ANKRD50: variants seen among roughly 807,000 people sequenced by gnomAD.
ANKRD50 encodes ankyrin repeat domain-containing protein 50.
Under a neutral mutation model 112.0 loss-of-function variants are expected in ANKRD50, and 40 were observed. That is an observed-to-expected ratio of 0.36 (90% CI 0.28 to 0.46). The LOEUF (loss-of-function observed/expected upper bound fraction) is 0.46. Among genes scored for constraint, ANKRD50 ranks in the 20% least tolerant of loss-of-function variants. The probability of loss-of-function intolerance (pLI) is 1.00; values close to 1 mark genes in which losing one functional copy is unlikely to be tolerated. For synonymous variants in ANKRD50, 613 were observed against 619.1 expected (o/e 0.99, Z 0.15); for missense variants, 1,487 against 1,701.7 (o/e 0.87, Z 2.22).
At chr4:124,691,699 CT>C (rs762088082) in intron 2 of ANKRD50, among the ~76,000 whole-genome samples, 47 of 152,216 alleles carry the variant, frequency 3.1e-4, no homozygotes, top group Non-Finnish European at 4.4e-4. Flanking sequence ...TTCTCTCCCC[CT>C]GGCCCTTTTT....
At chr4:124,681,974 T>A (rs1724899500) in intron 2 of ANKRD50, among the ~76,000 whole-genome samples, 1 of 152,162 alleles carries the variant, frequency 6.6e-6, no homozygotes, top group Non-Finnish European at 1.5e-5. Context: ...ATAACATGTT[T>A]TGTGTAACTT....
rs553272468 is a variant in ANKRD50 at position 124,677,928 on chromosome 4, A to G, written c.742+748T>C. ...TTAAGTGTTAGCTATTGTTATTTAA[A>G]TTACTAAACTTTTACCAACTATATT... is the stretch of plus-strand genomic sequence containing the variant. On this transcript the variant is annotated intron_variant, in intron 3 of 4. Coordinates refer to ENST00000504087, the MANE Select transcript of ANKRD50 (RefSeq NM_020337.3). Among the ~76,000 whole-genome samples, 249 of 152,222 alleles carry G rather than the reference A, an allele frequency of 1.6e-3. 1 individual carries two copies. In the South Asian group the frequency reaches 0.05, roughly 30 times the overall value.
chr4:124,701,500 C>T (rs532981863), intron 2 of ANKRD50, among the ~76,000 whole-genome samples: 9 of 152,218 alleles, frequency 5.9e-5, no homozygotes, highest in African/African-American at 2.2e-4. Flanking sequence ...TCTATTTTAT[C>T]ATTAAAGACT....
Position 124,681,586 on chromosome 4 carries a change from A to G in ANKRD50, c.513-2681T>C, listed in dbSNP as rs557522741. Among the ~76,000 whole-genome samples, 13 of 152,356 alleles carry G rather than the reference A, an allele frequency of 8.5e-5. No individual in the cohort carries two copies. The East Asian group carries it at 2.3e-3, about 27-fold the overall frequency. On this transcript the variant is annotated intron_variant, in intron 2 of 4. Coordinates refer to ENST00000504087, the MANE Select transcript of ANKRD50 (RefSeq NM_020337.3). ...ACTGACTAGCCATAACCAATATGAG[A>G]AAGTAAATTATAAATTAGTAGCAGT...
chr4:124,673,249 C>A (rs1277958476), intron 3 of ANKRD50, among the ~76,000 whole-genome samples: 1 of 151,978 alleles, frequency 6.6e-6, no homozygotes, highest in Non-Finnish European at 1.5e-5. Flanking sequence ...TTAAAGGAAG[C>A]CATAATTTCA....
intron 2 of ANKRD50, among the ~76,000 whole-genome samples, chr4:124,698,687 T>C (rs1437199830): frequency 2.0e-5 from 3 of 152,172 alleles, no homozygotes; most frequent in Admixed American, 6.5e-5. Context: ...TCTGAAGATA[T>C]GGTGGAGCTT....
rs1474155888 is a variant in ANKRD50 at position 124,666,534 on chromosome 4, A to G, written c.*984T>C. The stretch of plus-strand genomic sequence containing the variant: ...TTGGTCATGCAGCAATTTACAAAAT[A>G]GAAACCGCTGAGAGAGAAGCCAGCA... On this transcript the variant is annotated 3_prime_UTR_variant, in exon 5 of 5. Coordinates refer to ENST00000504087, the MANE Select transcript of ANKRD50 (RefSeq NM_020337.3). 1 of 152,396 alleles carries G rather than the reference A, an allele frequency of 6.6e-6. No homozygotes were observed. The highest frequency in any genetic ancestry group is 1.5e-5 in the Non-Finnish European group (1 of 67,956). 9.4% of individuals were successfully genotyped at this position (152,396 alleles called of 1,614,324 possible). A position where few individuals can be genotyped will look rare whatever the true frequency, so the allele number is the denominator to read the frequency against.
At chr4:124,686,640 GAAGACCTCAC>G (rs1725013578) in intron 2 of ANKRD50, among the ~76,000 whole-genome samples, 1 of 152,146 alleles carries the variant, frequency 6.6e-6, no homozygotes, top group Non-Finnish European at 1.5e-5. Context: ...GGCAGGATCA[GAAGACCTCAC>G]CCCAGTCTGA....
rs945749148 is a variant in ANKRD50, at chr4:124,669,234, A to G, written c.4043T>C (p.Ile1348Thr). 6.2e-7 allele frequency: 1 copy of G among 1,613,712 alleles called. No homozygotes were observed. Among genetic ancestry groups the G allele is most frequent in the Non-Finnish European group, 8.5e-7 (1 of 1,179,802 alleles). ...CTTCTGTTCCCCACTTTGTTGGTGAATAAGAAACTGCTGTTGAGATCGACC... is the reference window on the plus strand; with the variant it reads ...CTTCTGTTCCCCACTTTGTTGGTGAGTAAGAAACTGCTGTTGAGATCGACC... ...EIGRSQQQFLIHQQSGEQKKR... is the reference protein window; with the variant it reads ...EIGRSQQQFLTHQQSGEQKKR... The change falls in exon 4 of 5, where the codon ATT (isoleucine) becomes ACT (threonine). Residue 1348 changes from isoleucine (I) to threonine (T), a missense_variant. Physicochemically the swap from Ile to Thr is moderately conservative, Grantham distance 89 (BLOSUM62 -1). Coordinates refer to ENST00000504087, the MANE Select transcript of ANKRD50 (RefSeq NM_020337.3).
intron 2 of ANKRD50, among the ~76,000 whole-genome samples, chr4:124,699,698 C>A (rs1725345064): frequency 6.7e-6 from 1 of 150,260 alleles, no homozygotes; most frequent in Non-Finnish European, 1.5e-5. Flanking sequence ...TCAAAAGATA[C>A]AAATACAATA....
chr4:124,703,077 T>C (rs574296329), intron 2 of ANKRD50, among the ~76,000 whole-genome samples: 1 of 152,066 alleles, frequency 6.6e-6, no homozygotes, highest in Non-Finnish European at 1.5e-5. Context: ...AATAAAATAA[T>C]TGAAGGCATA....
intron 2 of ANKRD50, among the ~76,000 whole-genome samples, chr4:124,683,160 C>A (rs1047710659): frequency 6.6e-6 from 1 of 151,470 alleles, no homozygotes; most frequent in Non-Finnish European, 1.5e-5. Context: ...TATATTTATA[C>A]ACACACAGGC....
rs377676144 is a variant in ANKRD50 at position 124,672,879 on chromosome 4, T to C, written c.743-345A>G. ...TAACATCATCTGAACTCCCAAGTGA[T>C]TGGGAAAAAAAGTTGCAGGAGACAT... is the stretch of plus-strand genomic sequence containing the variant. On this transcript the variant is annotated intron_variant, in intron 3 of 4. Transcript: ENST00000504087. Among the ~76,000 whole-genome samples the C allele has an allele frequency of 8.5e-5, 13 of 152,132 alleles. No homozygotes were observed. In the South Asian group the frequency reaches 2.5e-3, roughly 29 times the overall value.
chr4:124,687,620 A>G (rs1725038660), intron 2 of ANKRD50, among the ~76,000 whole-genome samples: 1 of 152,220 alleles, frequency 6.6e-6, no homozygotes, highest in African/African-American at 2.4e-5. Flanking sequence ...TCGTAAAGCA[A>G]ATTTCTGACT....
At chr4:124,690,860 G>C (rs1459999981) in intron 2 of ANKRD50, among the ~76,000 whole-genome samples, 1 of 152,180 alleles carries the variant, frequency 6.6e-6, no homozygotes, top group Admixed American at 6.5e-5. Context: ...AAGGAAGAAC[G>C]AATCAATTGT....
intron 2 of ANKRD50, among the ~76,000 whole-genome samples, chr4:124,680,099 T>C (rs17008478): frequency 0.18 from 27,710 of 152,176 alleles, 2,616 homozygotes; most frequent in South Asian, 0.24. Flanking sequence ...CAAATCCCTA[T>C]TACATGCTTC....
At chr4:124,668,319 T>C (rs1730546384) in intron 4 of ANKRD50, among the ~76,000 whole-genome samples, 1 of 152,088 alleles carries the variant, frequency 6.6e-6, no homozygotes, top group Admixed American at 6.6e-5. Flanking sequence ...CTATGCCTTA[T>C]GTGTGAAAAC....
rs1730673016 is a variant in ANKRD50 at position 124,672,127 on chromosome 4, C to A, written c.1150G>T (p.Asp384Tyr). 6.2e-7 allele frequency: 1 copy of A among 1,613,762 alleles called. No homozygotes were observed. Among genetic ancestry groups the A allele is most frequent in the Non-Finnish European group, 8.5e-7 (1 of 1,179,860 alleles). The change falls in exon 4 of 5, where the codon GAT (aspartate) becomes TAT (tyrosine). Residue 384 changes from aspartate to tyrosine, a missense_variant. By Grantham distance (160) the Asp-to-Tyr change is radical. Coordinates refer to ENST00000504087, the MANE Select transcript of ANKRD50 (RefSeq NM_020337.3). Reference sequence around the variant, plus strand: ...AGGATATCTAACTTGCGTTGAAAATCTTCCAAAGTTAACGACATGTTTTTG... The same window carrying A: ...AGGATATCTAACTTGCGTTGAAAATATTCCAAAGTTAACGACATGTTTTTG... ...WTKNMSLTLEDFQRKLDILSK... is the reference protein window; with the variant it reads ...WTKNMSLTLEYFQRKLDILSK...
intron 2 of ANKRD50, among the ~76,000 whole-genome samples, chr4:124,705,943 A>C (rs922545158): frequency 1.3e-5 from 2 of 152,318 alleles, no homozygotes; most frequent in South Asian, 4.1e-4. Context: ...GAAATTAACA[A>C]TAGCATTGTA....
Sources: gnomAD v4.1 joint callset for allele counts (sites outside exome capture counted in the v4.1 genomes callset) on GRCh38, gnomAD v4.1.1 for gene constraint, MANE v1.5 for transcripts, NCBI Gene and HGNC (gene_info 2026-07-23, HGNC 2026-07-21) for gene names.